GATA4: variants seen among roughly 807,000 people sequenced by gnomAD.
GATA4 encodes the protein GATA binding protein 4.
A neutral mutation model predicts 37.9 loss-of-function variants in GATA4; 7 were observed. That is an observed-to-expected ratio of 0.18 (90% CI 0.11 to 0.35). The LOEUF (loss-of-function observed/expected upper bound fraction) is 0.35. Among genes scored for constraint, GATA4 ranks in the 10% least tolerant of loss-of-function variants. The probability of loss-of-function intolerance (pLI) is 1.00; values close to 1 mark genes in which losing one functional copy is unlikely to be tolerated. For missense variants in GATA4, 647 were observed against 653.0 expected (o/e 0.99, Z 0.10); for synonymous variants, 372 against 292.6 (o/e 1.27, Z -2.77).
chr8:11,736,765 A>C (rs1801479631), intron 2 of GATA4, among the ~76,000 whole-genome samples: 1 of 152,234 alleles, frequency 6.6e-6, no homozygotes, highest in Non-Finnish European at 1.5e-5. Context: ...TCACTGGTGC[A>C]GAGTAAGGTA....
chr8:11,701,197 T>C (rs562974526), upstream of GATA4, among the ~76,000 whole-genome samples: 1 of 148,334 alleles, frequency 6.7e-6, no homozygotes, highest in African/African-American at 2.5e-5. Context: ...TTCTTGTTTG[T>C]CTAAAATCTG....
At chr8:11,756,870 C>T (rs1242807389) in intron 5 of GATA4, 65 bp from the exon 6 acceptor site, 1 of 1,610,086 alleles carries the variant, frequency 6.2e-7, no homozygotes, top group Admixed American at 1.7e-5. Flanking sequence ...GGCTGTCTCG[C>T]AGGCTGCCGG....
At chr8:11,752,493 A>C (rs1014699179) in intron 4 of GATA4, among the ~76,000 whole-genome samples, 1 of 152,184 alleles carries the variant, frequency 6.6e-6, no homozygotes, top group Non-Finnish European at 1.5e-5. Context: ...AGACTTACTC[A>C]CTATAGTGAG....
At chr8:11,700,206 A>G (rs1379370924), upstream of GATA4, among the ~76,000 whole-genome samples, 1 of 152,252 alleles carries the variant, frequency 6.6e-6, no homozygotes, top group Non-Finnish European at 1.5e-5. Flanking sequence ...GGTGTGCCAG[A>G]AACTCTGGTC....
intron 1 of GATA4, among the ~76,000 whole-genome samples, chr8:11,698,754 G>T (rs935219560): frequency 6.6e-6 from 1 of 152,092 alleles, no homozygotes; most frequent in East Asian, 1.9e-4. Context: ...CCCAAATCCT[G>T]GCTGTGCACA....
intron 2 of GATA4, among the ~76,000 whole-genome samples, chr8:11,721,548 G>C (rs979351026): frequency 6.6e-6 from 1 of 152,108 alleles, no homozygotes; most frequent in Middle Eastern, 3.4e-3. Flanking sequence ...AAGGAACTCT[G>C]GTTAAAATGA....
intron 2 of GATA4, among the ~76,000 whole-genome samples, chr8:11,743,273 T>C (rs1801848629): frequency 1.3e-5 from 2 of 152,254 alleles, no homozygotes; most frequent in South Asian, 2.1e-4. Context: ...TTTGCCAACA[T>C]GTTCGTTACG....
At chr8:11,715,666 G>A (rs1200008269) in intron 2 of GATA4, among the ~76,000 whole-genome samples, 2 of 150,900 alleles carry the variant, frequency 1.3e-5, no homozygotes, top group African/African-American at 2.4e-5. Flanking sequence ...GCTTGAACCC[G>A]GGAGTTGGAG....
chr8:11,703,882 C>T (rs1050462530), upstream of GATA4, among the ~76,000 whole-genome samples: 2 of 152,216 alleles, frequency 1.3e-5, no homozygotes, highest in Non-Finnish European at 2.9e-5. Flanking sequence ...GGGATGAGGA[C>T]CACAGGAAGG....
intron 2 of GATA4, among the ~76,000 whole-genome samples, chr8:11,744,189 C>G (rs917487340): frequency 1.3e-5 from 2 of 152,168 alleles, no homozygotes; most frequent in Non-Finnish European, 2.9e-5. Flanking sequence ...CTCCCCTCCT[C>G]CAATAACCAG....
At chr8:11,725,457 C>T (rs185838852) in intron 2 of GATA4, among the ~76,000 whole-genome samples, 13 of 152,366 alleles carry the variant, frequency 8.5e-5, no homozygotes, top group Admixed American at 5.2e-4. Context: ...TCCGGGCACA[C>T]GCTGGGAAGT....
At chr8:11,691,488 A>C (rs1313375524), upstream of GATA4, among the ~76,000 whole-genome samples, 2 of 152,248 alleles carry the variant, frequency 1.3e-5, no homozygotes, top group Non-Finnish European at 2.9e-5. Flanking sequence ...TCCTTATTAA[A>C]GATGAGGTTT....
At chr8:11,698,814 T>A (rs775442902) in intron 1 of GATA4, among the ~76,000 whole-genome samples, 1 of 152,030 alleles carries the variant, frequency 6.6e-6, no homozygotes, top group Non-Finnish European at 1.5e-5. Context: ...CCCCGGGGTG[T>A]CCTTAGGAGC....
intron 2 of GATA4, among the ~76,000 whole-genome samples, chr8:11,719,216 T>G (rs1800563862): frequency 6.6e-6 from 1 of 151,946 alleles, no homozygotes; most frequent in Non-Finnish European, 1.5e-5. Context: ...TTTTTTTTTT[T>G]TCCTTCTTTG....
At chr8:11,683,911 A>T (rs1799058396) in intron 1 of GATA4, among the ~76,000 whole-genome samples, 1 of 152,204 alleles carries the variant, frequency 6.6e-6, no homozygotes, top group African/African-American at 2.4e-5. Flanking sequence ...GGCTCTGTGA[A>T]CGGGAAAGAA....
chr8:11,700,464 C>T (rs1040649503), upstream of GATA4: 1 of 152,230 alleles, frequency 6.6e-6, no homozygotes, highest in Non-Finnish European at 1.5e-5. Context: ...GAAGGTAGGT[C>T]GACGTGGCCT....
intron 5 of GATA4, among the ~76,000 whole-genome samples, chr8:11,756,065 C>T (rs766798871): frequency 1.4e-4 from 22 of 151,786 alleles, no homozygotes; most frequent in Non-Finnish European, 1.0e-4. Flanking sequence ...TTCTTTAATA[C>T]GTTTATGTTC....
chr8:11,724,148 T>A (rs1017679263), intron 2 of GATA4, among the ~76,000 whole-genome samples: 1 of 152,324 alleles, frequency 6.6e-6, no homozygotes, highest in South Asian at 2.1e-4. Flanking sequence ...CATGTCTTTT[T>A]TTTTTAAGGC....
At chr8:11,679,948 C>T (rs1798901143) in intron 1 of GATA4, among the ~76,000 whole-genome samples, 1 of 152,130 alleles carries the variant, frequency 6.6e-6, no homozygotes, top group Non-Finnish European at 1.5e-5. Context: ...ACTCTTTTTG[C>T]ACTGGGGTTT....
Sources: allele counts gnomAD v4.1 joint callset (sites outside exome capture counted in the v4.1 genomes callset), GRCh38; gene constraint gnomAD v4.1.1; transcripts MANE v1.5; gene names NCBI Gene and HGNC (gene_info 2026-07-23, HGNC 2026-07-21).